CYP20A1: variants seen among roughly 807,000 people sequenced by gnomAD.
CYP20A1 encodes the protein cytochrome P450 20A1.
CYP20A1 carries 61 observed loss-of-function variants against 61.4 expected under a neutral mutation model. That is an observed-to-expected ratio of 0.99 (90% CI 0.81 to 1.23). CYP20A1 has a LOEUF of 1.23. Among genes scored for constraint, CYP20A1 ranks in the 50% most tolerant of loss-of-function variants. The pLI is 0.00. For synonymous variants in CYP20A1, 193 were observed against 188.2 expected (o/e 1.03, Z -0.21); for missense variants, 530 against 542.4 (o/e 0.98, Z 0.23).
chr2:203,282,259 A>G (rs1317987329), intron 8 of CYP20A1, among the ~76,000 whole-genome samples: 1 of 152,036 alleles, frequency 6.6e-6, no homozygotes, highest in East Asian at 1.9e-4. Context: ...AACTGACCTC[A>G]GGTGCTCCAC....
chr2:203,272,849 T>TTA, intron 6 of CYP20A1, 101 bp downstream of exon 6: 1 of 681,416 alleles, frequency 1.5e-6, no homozygotes, highest in East Asian at 3.5e-5. Context: ...CATTTATATT[T>TTA]TCTTTTTTTT....
chr2:203,275,443 G>GT (rs1169545288), intron 6 of CYP20A1, among the ~76,000 whole-genome samples: 94 of 148,460 alleles, frequency 6.3e-4, no homozygotes, highest in Admixed American at 2.0e-3. Context: ...CTTTTTTTTT[G>GT]TTTTTTTTTG....
chr2:203,294,728 G>C (rs868799739), intron 11 of CYP20A1, among the ~76,000 whole-genome samples: 2 of 150,662 alleles, frequency 1.3e-5, no homozygotes, highest in Admixed American at 1.3e-4. Flanking sequence ...TCCGCCTCCC[G>C]GGTTCAAGCG....
intron 6 of CYP20A1, among the ~76,000 whole-genome samples, 161 bp from the exon 7 acceptor site, chr2:203,278,412 A>G (rs1161605631): frequency 6.6e-6 from 1 of 152,244 alleles, no homozygotes; most frequent in East Asian, 1.9e-4. Flanking sequence ...TTGGCAAAAA[A>G]GGAAGAAAAT....
intron 6 of CYP20A1, among the ~76,000 whole-genome samples, chr2:203,275,820 G>A (rs932255104): frequency 6.6e-6 from 1 of 152,152 alleles, no homozygotes; most frequent in African/African-American, 2.4e-5. Flanking sequence ...TGATATCCTG[G>A]CATGTTTTAG....
intron 4 of CYP20A1, among the ~76,000 whole-genome samples, chr2:203,263,987 T>C (rs1489770102): frequency 3.9e-5 from 6 of 152,020 alleles, no homozygotes; most frequent in African/African-American, 1.5e-4. Flanking sequence ...GTCAGGTTTT[T>C]GTGTGGGGGG....
Position 203,285,751 on chromosome 2 carries a change from G to A in CYP20A1, c.971+19G>A, listed in dbSNP as rs769645176. ...AGCTCAGGTAAGAACACAATAAAAA[G>A]AGGAGATTATTAAAAGGTAAATTTG... On this transcript the variant is annotated intron_variant, in intron 9 of 12. Transcript: ENST00000356079. 1.3e-6 allele frequency: 2 copies of A among 1,537,052 alleles called. No individual in the cohort carries two copies. The highest frequency in any genetic ancestry group is 2.3e-5 in the East Asian group (1 of 43,204).
rs1421022910 is a variant in CYP20A1, at chr2:203,305,066, A to C, written c.*8158A>C. ...TATTTGACTTATAGAATTTTATGACACTAAATGGATAATTGTAAAGTTTGA... is the reference window on the plus strand; with the variant it reads ...TATTTGACTTATAGAATTTTATGACCCTAAATGGATAATTGTAAAGTTTGA... On this transcript the variant is annotated 3_prime_UTR_variant, in exon 13 of 13. Coordinates refer to ENST00000356079, the MANE Select transcript of CYP20A1 (RefSeq NM_177538.3). 6.6e-6 allele frequency among the ~76,000 whole-genome samples: 1 copy of C among 152,154 alleles called. No homozygotes were observed. The highest frequency in any genetic ancestry group is 1.5e-5 in the Non-Finnish European group (1 of 68,032).
intron 1 of CYP20A1, among the ~76,000 whole-genome samples, chr2:203,245,346 A>AT (rs1170482802): frequency 0.033 from 4,753 of 143,598 alleles, 255 homozygotes; most frequent in African/African-American, 0.12. Context: ...TTTAAAAAAA[A>AT]ATTTTTTTTT....
In CYP20A1 at chr2:203,302,544, A is replaced by G. The variant is rs2069060497; in HGVS notation, c.*5636A>G. On this transcript the variant is annotated 3_prime_UTR_variant, in exon 13 of 13. Transcript: ENST00000356079. ...GCAAGACCCTGTCTCAAAAGATTCTAATATAGATACTCTTTTTATGCATAT... is the reference window on the plus strand; with the variant it reads ...GCAAGACCCTGTCTCAAAAGATTCTGATATAGATACTCTTTTTATGCATAT... 6.6e-6 allele frequency among the ~76,000 whole-genome samples: 1 copy of G among 152,148 alleles called. No homozygotes were observed. The highest frequency in any genetic ancestry group is 2.1e-4 in the South Asian group (1 of 4,838).
intron 6 of CYP20A1, among the ~76,000 whole-genome samples, chr2:203,277,611 G>C (rs987990860): frequency 6.6e-6 from 1 of 151,950 alleles, no homozygotes; most frequent in African/African-American, 2.4e-5. Context: ...TGCTGCCCAG[G>C]TTCAAGCGAT....
chr2:203,301,929 T>G lies in CYP20A1; in HGVS notation c.*5021T>G, dbSNP rs527839129. Among the ~76,000 whole-genome samples the G allele has an allele frequency of 1.4e-5, 2 of 145,358 alleles. No homozygotes were observed. Among genetic ancestry groups the G allele is most frequent in the Admixed American group, 1.4e-4 (2 of 14,482 alleles). ...TGTTAAGATTCTTTTTTTTTTTTTT[T>G]TTTTTTTGTTTTGAGACTGAGTCCC... On this transcript the variant is annotated 3_prime_UTR_variant, in exon 13 of 13. Transcript: ENST00000356079.
At chr2:203,287,271 C>T (rs1461804913) in intron 9 of CYP20A1, among the ~76,000 whole-genome samples, 1 of 146,304 alleles carries the variant, frequency 6.8e-6, no homozygotes, top group Non-Finnish European at 1.5e-5. Context: ...AACTAGGAGG[C>T]TTTTAAATGT....
chr2:203,266,590 G>A lies in CYP20A1; in HGVS notation c.509G>A (p.Gly170Asp), dbSNP rs1188972452. The change falls in exon 5 of 13, where the codon GGT (glycine) becomes GAT (aspartate). Residue 170 changes from glycine (G) to aspartate (D), a missense_variant. Transcript: ENST00000356079. ...QHVPLSQHML[G>D]FAMKSVTQMV... ...GTGCCCCTCAGCCAGCATATGCTTG[G>A]TTTTGCTATGAAGTCTGTTACACAG... The A allele has an allele frequency of 1.9e-6, 3 of 1,613,858 alleles. No individual in the cohort carries two copies. Among genetic ancestry groups the A allele is most frequent in the Non-Finnish European group, 2.5e-6 (3 of 1,179,924 alleles).
At chr2:203,265,120 A>G (rs1309309593) in intron 4 of CYP20A1, among the ~76,000 whole-genome samples, 1 of 152,160 alleles carries the variant, frequency 6.6e-6, no homozygotes, top group Non-Finnish European at 1.5e-5. Flanking sequence ...CTATTTTAAT[A>G]TTTGTTTAGA....
At chr2:203,239,523 C>G (rs28662332) in intron 1 of CYP20A1, among the ~76,000 whole-genome samples, 139,917 of 152,284 alleles carry the variant, frequency 0.92, 64,633 homozygotes, top group Non-Finnish European at 0.96. Flanking sequence ...TGTGTCAGGA[C>G]GAGACTCCTG....
intron 12 of CYP20A1, 75 bp from the exon 13 acceptor site, chr2:203,296,683 G>T (rs1471785460): frequency 1.3e-6 from 2 of 1,491,070 alleles, no homozygotes; most frequent in Non-Finnish European, 1.8e-6. Flanking sequence ...AAGTTCTGGG[G>T]TTCATGTGCA....
intron 4 of CYP20A1, among the ~76,000 whole-genome samples, chr2:203,257,964 C>T (rs912646745): frequency 3.9e-5 from 6 of 152,226 alleles, no homozygotes; most frequent in African/African-American, 7.2e-5. Context: ...TGCAGTGGCA[C>T]AATTATAGCT....
At chr2:203,271,080 A>AT (rs1376244749) in intron 5 of CYP20A1, among the ~76,000 whole-genome samples, 28 of 39,140 alleles carry the variant, frequency 7.2e-4, no homozygotes, top group African/African-American at 9.0e-4. Context: ...ATATATATAT[A>AT]TATTTTTTTT....
Sources: gnomAD v4.1 joint callset for allele counts (sites outside exome capture counted in the v4.1 genomes callset) on GRCh38, gnomAD v4.1.1 for gene constraint, MANE v1.5 for transcripts, NCBI Gene and HGNC (gene_info 2026-07-23, HGNC 2026-07-21) for gene names.